The following OR10J1 variants were observed in gnomAD, a reference collection of about 807,000 sequenced individuals.
OR10J1 encodes the protein olfactory receptor 10J1.
For synonymous variants in OR10J1, 202 were observed against 143.8 expected (o/e 1.40, Z -2.89); for missense variants, 474 against 376.6 (o/e 1.26, Z -2.14).
Position 159,440,574 on chromosome 1 carries a change from CAA to C in OR10J1, c.784_785del (p.Lys262ValfsTer8). On this transcript the variant is annotated frameshift_variant, in exon 1 of 1. Coordinates refer to ENST00000423932, the MANE Select transcript of OR10J1 (RefSeq NM_012351.3). LOFTEE classifies it low-confidence loss of function (END_TRUNC). The stretch of plus-strand genomic sequence containing the variant: ...GTGCCTCCATTGCCTACCTCAAGCC[CAA>C]GTCAGAGAACACCAGAGAACATGAC... ...SCASIAYLKP[K>X]SENTREHDQL... The C allele has an allele frequency of 6.2e-7, 1 of 1,613,964 alleles. No individual in the cohort carries two copies. Among genetic ancestry groups the C allele is most frequent in the Non-Finnish European group, 8.5e-7 (1 of 1,179,988 alleles).
chr1:159,418,385 C>T, the OR10J1 span, among the ~76,000 whole-genome samples: 14 of 152,120 alleles, frequency 9.2e-5, no homozygotes, highest in African/African-American at 3.4e-4. Flanking sequence ...TGCCCTGAGT[C>T]CCAGCCACCC....
the OR10J1 span, among the ~76,000 whole-genome samples, chr1:159,408,359 G>A: frequency 1.0e-4 from 15 of 150,384 alleles, no homozygotes; most frequent in Admixed American, 2.0e-4. Flanking sequence ...GTAAACTATC[G>A]CAAGAACAAA....
chr1:159,433,238 C>T (rs1655636311), upstream of OR10J1: 1 of 396,926 alleles, frequency 2.5e-6, no homozygotes, highest in East Asian at 3.6e-5. Flanking sequence ...CACCAGGTGG[C>T]TGATCTAGGC....
chr1:159,412,027 T>G, the OR10J1 span, among the ~76,000 whole-genome samples: 2 of 152,078 alleles, frequency 1.3e-5, no homozygotes, highest in African/African-American at 2.4e-5. Context: ...ATCACAAGCA[T>G]TCTTATACAC....
At chr1:159,413,260 C>T in the OR10J1 span, among the ~76,000 whole-genome samples, 1 of 152,090 alleles carries the variant, frequency 6.6e-6, no homozygotes, top group African/African-American at 2.4e-5. Context: ...ACTAGTTCAA[C>T]CATTGTGGTA....
At chr1:159,439,612 A>C, upstream of OR10J1, 1 of 717,402 alleles carries the variant, frequency 1.4e-6, no homozygotes, top group Non-Finnish European at 2.3e-6. Flanking sequence ...GTCACAGAGT[A>C]AAAATATTTT....
the OR10J1 span, chr1:159,405,657 G>A: frequency 4.2e-6 from 2 of 479,066 alleles, no homozygotes; most frequent in Admixed American, 2.5e-5. Context: ...AGGTGCAGGT[G>A]GCACAGGCCT....
chr1:159,406,165 A>G, the OR10J1 span: 61,337 of 496,140 alleles, frequency 0.12, 4,356 homozygotes, highest in Admixed American at 0.15. Flanking sequence ...TCAGAGATAG[A>G]CAGCAATGCT....
chr1:159,426,906 C>G, the OR10J1 span, among the ~76,000 whole-genome samples: 4 of 151,844 alleles, frequency 2.6e-5, no homozygotes, highest in African/African-American at 9.7e-5. Flanking sequence ...ATTCTAAGCA[C>G]TTTGAAATAT....
At chr1:159,432,458 T>A in the OR10J1 span, 3 of 411,118 alleles carry the variant, frequency 7.3e-6, no homozygotes, top group Non-Finnish European at 1.3e-5. Flanking sequence ...TGCTGTCCGG[T>A]CTCCTCAGTC....
the OR10J1 span, among the ~76,000 whole-genome samples, chr1:159,414,213 C>G: frequency 3.9e-5 from 6 of 152,050 alleles, no homozygotes; most frequent in Non-Finnish European, 5.9e-5. Flanking sequence ...TATGTTTGTA[C>G]CCATTGACCA....
chr1:159,410,958 C>T, the OR10J1 span, among the ~76,000 whole-genome samples: 3 of 151,826 alleles, frequency 2.0e-5, no homozygotes, highest in African/African-American at 7.3e-5. Flanking sequence ...CGTTATGTAC[C>T]CAGTAGTCAT....
At chr1:159,408,202 C>T in the OR10J1 span, among the ~76,000 whole-genome samples, 2 of 152,012 alleles carry the variant, frequency 1.3e-5, no homozygotes, top group Admixed American at 6.6e-5. Context: ...ATAGCAAAGA[C>T]TTGGAACCAA....
chr1:159,410,275 A>C, the OR10J1 span, among the ~76,000 whole-genome samples: 1 of 152,106 alleles, frequency 6.6e-6, no homozygotes, highest in Non-Finnish European at 1.5e-5. Flanking sequence ...AAGGAATGGT[A>C]CCAGTTCCTC....
upstream of OR10J1, among the ~76,000 whole-genome samples, chr1:159,434,183 C>T (rs553929143): frequency 7.9e-5 from 12 of 152,114 alleles, no homozygotes; most frequent in Non-Finnish European, 1.5e-4. Context: ...TTCCTCAAGG[C>T]AGAATCAGGA....
chr1:159,419,356 C>A, the OR10J1 span, among the ~76,000 whole-genome samples: 1 of 152,120 alleles, frequency 6.6e-6, no homozygotes, highest in Admixed American at 6.5e-5. Flanking sequence ...GGGGGTGGGT[C>A]TTTCCCATGC....
chr1:159,438,732 C>A (rs759960349), upstream of OR10J1, among the ~76,000 whole-genome samples: 1 of 152,182 alleles, frequency 6.6e-6, no homozygotes, highest in African/African-American at 2.4e-5. Context: ...TGCAAAACTT[C>A]TCTTTCTGAA....
the OR10J1 span, among the ~76,000 whole-genome samples, chr1:159,401,348 C>T: frequency 2.0e-5 from 3 of 151,588 alleles, no homozygotes; most frequent in African/African-American, 7.3e-5. Flanking sequence ...ATTGACAAAC[C>T]GTTAGCCAGA....
At position 159,440,327 on chromosome 1, in the gene OR10J1, A is replaced by G; in HGVS notation, c.536A>G (p.Asp179Gly). Reference sequence around the variant, plus strand: ...AGAAAGGTGCCCCACTTCTTCTGTGACATCCGCCCTGTGATGAAGCTCTCC... The same window carrying G: ...AGAAAGGTGCCCCACTTCTTCTGTGGCATCCGCCCTGTGATGAAGCTCTCC... ...CARKVPHFFCDIRPVMKLSCI... is the reference protein window; with the variant it reads ...CARKVPHFFCGIRPVMKLSCI... Residue 179 changes from aspartate to glycine, a missense_variant, in exon 1 of 1, where the codon GAC (aspartate) becomes GGC (glycine). Coordinates refer to ENST00000423932, the MANE Select transcript of OR10J1 (RefSeq NM_012351.3). The G allele has an allele frequency of 6.2e-7, 1 of 1,614,168 alleles. No individual in the cohort carries two copies. Among genetic ancestry groups the G allele is most frequent in the South Asian group, 1.1e-5 (1 of 91,084 alleles).
Sources: allele counts gnomAD v4.1 joint callset (sites outside exome capture counted in the v4.1 genomes callset), GRCh38; gene constraint gnomAD v4.1.1; transcripts MANE v1.5; gene names NCBI Gene and HGNC (gene_info 2026-07-23, HGNC 2026-07-21).